Variants in TNKS observed in about 807,000 individuals in gnomAD.
TNKS encodes tankyrase.
A neutral mutation model predicts 135.8 loss-of-function variants in TNKS; 72 were observed. That is an observed-to-expected ratio of 0.53 (90% CI 0.44 to 0.64). TNKS has a LOEUF of 0.64. Ranked by LOEUF, TNKS falls within the 30% of genes least tolerant of loss-of-function variation. The pLI is 0.00. For synonymous variants in TNKS, 849 were observed against 649.3 expected (o/e 1.31, Z -4.68); for missense variants, 1,769 against 1,674.0 (o/e 1.06, Z -0.99).
intron 2 of TNKS, among the ~76,000 whole-genome samples, chr8:9,592,699 G>A (rs779690217): frequency 6.6e-6 from 1 of 152,132 alleles, no homozygotes; most frequent in Non-Finnish European, 1.5e-5. Flanking sequence ...CAAGAAACGT[G>A]TGTGAAGTGA....
At chr8:9,591,103 T>TA (rs1798576335) in intron 2 of TNKS, among the ~76,000 whole-genome samples, 1 of 152,278 alleles carries the variant, frequency 6.6e-6, no homozygotes, top group Admixed American at 6.5e-5. Context: ...TCCAACGTCA[T>TA]GCCTTTGCAT....
chr8:9,757,531 T>C (rs908450284), intron 20 of TNKS, among the ~76,000 whole-genome samples: 2 of 152,180 alleles, frequency 1.3e-5, no homozygotes, highest in African/African-American at 4.8e-5. Context: ...CTTAGCTGAA[T>C]TATGACCTTC....
At chr8:9,702,610 T>G (rs1803859998) in intron 5 of TNKS, among the ~76,000 whole-genome samples, 1 of 152,216 alleles carries the variant, frequency 6.6e-6, no homozygotes, top group Admixed American at 6.5e-5. Flanking sequence ...GAAAGTAAGT[T>G]GATACTCCCT....
intron 17 of TNKS, among the ~76,000 whole-genome samples, chr8:9,744,923 G>C (rs1261127854): frequency 1.3e-5 from 2 of 152,176 alleles, no homozygotes; most frequent in African/African-American, 4.8e-5. Flanking sequence ...ATACATACCA[G>C]ATATACAATT....
At chr8:9,607,859 A>G (rs6651495) in intron 2 of TNKS, among the ~76,000 whole-genome samples, 1 of 151,790 alleles carries the variant, frequency 6.6e-6, no homozygotes, top group African/African-American at 2.4e-5. Context: ...AATGTGAAAC[A>G]CTCCTTTTTT....
At chr8:9,589,972 C>G (rs1008628194) in intron 2 of TNKS, among the ~76,000 whole-genome samples, 6 of 152,152 alleles carry the variant, frequency 3.9e-5, no homozygotes, top group Non-Finnish European at 7.4e-5. Context: ...ATTCATTGTC[C>G]CGTTGAATGT....
chr8:9,758,248 T>A (rs553008143), intron 20 of TNKS, among the ~76,000 whole-genome samples: 1 of 152,200 alleles, frequency 6.6e-6, no homozygotes, highest in African/African-American at 2.4e-5. Flanking sequence ...GGATGATGAA[T>A]GGTTGGATGG....
In TNKS at chr8:9,555,968, A is replaced by C; in HGVS notation, c.29A>C (p.His10Pro). Residue 10 changes from histidine (H) to proline (P), a missense_variant, in exon 1 of 27, where the codon CAT (histidine) becomes CCT (proline). Transcript: ENST00000310430. MAASRRSQH[H>P]HHHHQQQLQP... Reference sequence around the variant, plus strand: ...GCGGCGTCGCGTCGCTCTCAGCATCATCACCACCATCATCAACAACAGCTC... The same window carrying C: ...GCGGCGTCGCGTCGCTCTCAGCATCCTCACCACCATCATCAACAACAGCTC... 1.9e-6 allele frequency: 3 copies of C among 1,613,372 alleles called. No homozygotes were observed. The highest frequency in any genetic ancestry group is 2.5e-6 in the Non-Finnish European group (3 of 1,179,816).
intron 26 of TNKS, among the ~76,000 whole-genome samples, chr8:9,774,415 G>A (rs1051190835): frequency 8.5e-5 from 13 of 152,160 alleles, no homozygotes; most frequent in Admixed American, 7.9e-4. Context: ...TTTAGTGTTA[G>A]GGATTTGGAT....
At chr8:9,672,108 C>A (rs1423568947) in intron 3 of TNKS, among the ~76,000 whole-genome samples, 1 of 152,130 alleles carries the variant, frequency 6.6e-6, no homozygotes, top group African/African-American at 2.4e-5. Context: ...CTCATAGTGA[C>A]CCAGAAGCAC....
At chr8:9,558,703 G>A (rs1217190889) in intron 1 of TNKS, 1 of 152,110 alleles carries the variant, frequency 6.6e-6, no homozygotes, top group Admixed American at 6.5e-5. Flanking sequence ...TAAGCTAGAA[G>A]ATAAACAATC....
At chr8:9,676,673 C>CCTCT (rs970130671) in intron 3 of TNKS, among the ~76,000 whole-genome samples, 2 of 123,844 alleles carry the variant, frequency 1.6e-5, no homozygotes, top group Admixed American at 8.3e-5. Flanking sequence ...CGTATTTCTC[C>CCTCT]CTCTCTCTCT....
At chr8:9,740,055 TAAAAAA>T (rs58285747) in intron 17 of TNKS, among the ~76,000 whole-genome samples, 12 of 87,444 alleles carry the variant, frequency 1.4e-4, no homozygotes, top group Admixed American at 4.1e-4. Flanking sequence ...TAGAGTATAA[TAAAAAA>T]AAAAAAAAAA....
intron 3 of TNKS, among the ~76,000 whole-genome samples, chr8:9,665,982 C>T (rs951820891): frequency 1.3e-5 from 2 of 151,902 alleles, no homozygotes; most frequent in Non-Finnish European, 2.9e-5. Context: ...CTTTTTTTCT[C>T]TCTGTCCTCC....
At chr8:9,667,790 G>T (rs1802066323) in intron 3 of TNKS, among the ~76,000 whole-genome samples, 1 of 147,188 alleles carries the variant, frequency 6.8e-6, no homozygotes, top group Non-Finnish European at 1.5e-5. Context: ...AGATTTCATT[G>T]ACTTTAGTGA....
intron 18 of TNKS, among the ~76,000 whole-genome samples, chr8:9,751,000 C>T (rs1166312831): frequency 6.6e-6 from 1 of 152,210 alleles, no homozygotes; most frequent in Non-Finnish European, 1.5e-5. Context: ...TCAAAAGCCT[C>T]AGAATGTCAC....
chr8:9,589,239 C>G (rs1406092686), intron 2 of TNKS, among the ~76,000 whole-genome samples: 1 of 152,196 alleles, frequency 6.6e-6, no homozygotes, highest in Non-Finnish European at 1.5e-5. Flanking sequence ...GACATACATT[C>G]TGGGCCAAGG....
chr8:9,667,306 T>G (rs1470128354), intron 3 of TNKS, among the ~76,000 whole-genome samples: 1 of 152,262 alleles, frequency 6.6e-6, no homozygotes, highest in Non-Finnish European at 1.5e-5. Context: ...GTAGCTGCAA[T>G]CTCAGAACTC....
At chr8:9,658,270 T>G in intron 3 of TNKS, 2 of 374,172 alleles carry the variant, frequency 5.3e-6, no homozygotes, top group South Asian at 6.3e-5. Context: ...ATCTCGGCAC[T>G]TTGGGAGGCC....
Sources: allele counts gnomAD v4.1 joint callset (sites outside exome capture counted in the v4.1 genomes callset), GRCh38; gene constraint gnomAD v4.1.1; transcripts MANE v1.5; gene names NCBI Gene and HGNC (gene_info 2026-07-23, HGNC 2026-07-21).